GRB14: variants seen among roughly 807,000 people sequenced by gnomAD.
GRB14 encodes growth factor receptor bound protein 14, also known as growth factor receptor-bound protein 14.
A neutral mutation model predicts 69.1 loss-of-function variants in GRB14; 38 were observed. That is an observed-to-expected ratio of 0.55 (90% CI 0.42 to 0.72). GRB14 has a LOEUF of 0.72. GRB14 is among the 30% of genes least tolerant of loss of function. GRB14 has a pLI of 0.00. For synonymous variants in GRB14, 247 were observed against 241.3 expected (o/e 1.02, Z -0.22); for missense variants, 666 against 666.1 (o/e 1.00, Z 0.00).
At chr2:164,546,467 A>G (rs1688378504) in intron 3 of GRB14, among the ~76,000 whole-genome samples, 1 of 152,094 alleles carries the variant, frequency 6.6e-6, no homozygotes, top group Admixed American at 6.6e-5. Context: ...TAGCACTGAG[A>G]TTTTCCCCAG....
At chr2:164,586,063 C>T (rs932554139) in intron 2 of GRB14, among the ~76,000 whole-genome samples, 1 of 152,054 alleles carries the variant, frequency 6.6e-6, no homozygotes, top group Non-Finnish European at 1.5e-5. Flanking sequence ...TTGGGGCATA[C>T]ATAGAAATAG....
intron 12 of GRB14, among the ~76,000 whole-genome samples, chr2:164,494,833 G>A (rs1686850919): frequency 6.6e-6 from 1 of 152,120 alleles, no homozygotes; most frequent in South Asian, 2.1e-4. Flanking sequence ...CGTTCTCTTT[G>A]CACTGGGAAA....
intron 9 of GRB14, 26 bp from the exon 10 acceptor site, chr2:164,497,516 T>C (rs1686936621): frequency 4.4e-6 from 6 of 1,369,254 alleles, no homozygotes; most frequent in Non-Finnish European, 6.1e-6. Flanking sequence ...ACATTTGAGT[T>C]ATGAAAATTT....
chr2:164,598,370 C>T (rs1287981464), intron 2 of GRB14, among the ~76,000 whole-genome samples: 1 of 152,148 alleles, frequency 6.6e-6, no homozygotes, highest in African/African-American at 2.4e-5. Flanking sequence ...AAATTTACCA[C>T]AGAATTTTTG....
intron 9 of GRB14, among the ~76,000 whole-genome samples, chr2:164,499,833 A>G (rs570657): frequency 0.78 from 118,617 of 152,022 alleles, 46,722 homozygotes; most frequent in African/African-American, 0.83. Flanking sequence ...TCATTAGCAA[A>G]AGGGCACACA....
intron 2 of GRB14, among the ~76,000 whole-genome samples, chr2:164,580,147 T>G (rs1689362243): frequency 1.3e-5 from 2 of 150,884 alleles, no homozygotes; most frequent in Non-Finnish European, 3.0e-5. Flanking sequence ...CAGGCTGGAG[T>G]GCAGTGGCGT....
At chr2:164,572,177 A>AT (rs1182065959) in intron 2 of GRB14, among the ~76,000 whole-genome samples, 1 of 152,170 alleles carries the variant, frequency 6.6e-6, no homozygotes, top group Admixed American at 6.5e-5. Context: ...TGCAAAAGTA[A>AT]TTGGGGTTTT....
intron 6 of GRB14, among the ~76,000 whole-genome samples, chr2:164,520,003 GA>G (rs1032421730): frequency 5.3e-5 from 8 of 150,540 alleles, no homozygotes; most frequent in South Asian, 2.1e-4. Flanking sequence ...CACAGAACTA[GA>G]AAAAAAAATC....
intron 2 of GRB14, among the ~76,000 whole-genome samples, chr2:164,569,616 G>A (rs1254725444): frequency 6.6e-6 from 1 of 152,194 alleles, no homozygotes; most frequent in Non-Finnish European, 1.5e-5. Context: ...CTACTAGGCA[G>A]TGTTCACTTT....
At chr2:164,520,457 C>T (rs1329545864) in intron 6 of GRB14, among the ~76,000 whole-genome samples, 22 of 151,952 alleles carry the variant, frequency 1.4e-4, no homozygotes. Context: ...GGAAAGACTT[C>T]CCGACTAAGA....
chr2:164,577,301 G>A (rs1689275710), intron 2 of GRB14, among the ~76,000 whole-genome samples: 1 of 152,204 alleles, frequency 6.6e-6, no homozygotes, highest in Non-Finnish European at 1.5e-5. Flanking sequence ...CACATACCTG[G>A]TGTACCTAAT....
At chr2:164,570,405 G>A (rs1339433991) in intron 2 of GRB14, among the ~76,000 whole-genome samples, 1 of 151,850 alleles carries the variant, frequency 6.6e-6, no homozygotes, top group East Asian at 1.9e-4. Flanking sequence ...CCCTGTATCA[G>A]GCAGTAGGAA....
intron 2 of GRB14, among the ~76,000 whole-genome samples, chr2:164,582,618 G>A (rs139042159): frequency 0.025 from 3,807 of 151,684 alleles, 149 homozygotes; most frequent in African/African-American, 0.087. Flanking sequence ...ACGGGGTTTC[G>A]CCATCTTGGC....
intron 3 of GRB14, among the ~76,000 whole-genome samples, chr2:164,542,974 T>C (rs1160232613): frequency 1.3e-5 from 2 of 152,108 alleles, no homozygotes; most frequent in East Asian, 3.9e-4. Flanking sequence ...ACAGAATCAC[T>C]AACAGTGGAC....
intron 5 of GRB14, among the ~76,000 whole-genome samples, chr2:164,524,137 C>A (rs1198107982): frequency 6.6e-6 from 1 of 151,936 alleles, no homozygotes; most frequent in African/African-American, 2.4e-5. Context: ...GATAGCTCTG[C>A]CAACCTAATA....
At chr2:164,609,045 T>G (rs1690106654) in intron 2 of GRB14, among the ~76,000 whole-genome samples, 1 of 152,172 alleles carries the variant, frequency 6.6e-6, no homozygotes, top group South Asian at 2.1e-4. Context: ...TTTAACCAAT[T>G]TATCTTGAAA....
rs192922358 is a variant in GRB14 at position 164,545,410 on chromosome 2, T to A, written c.481+2250A>T. 3.2e-3 allele frequency among the ~76,000 whole-genome samples: 481 copies of A among 152,146 alleles called. 1 individual carries two copies. The highest frequency in any genetic ancestry group is 6.2e-3 in the Admixed American group (95 of 15,272). On this transcript the variant is annotated intron_variant, in intron 3 of 13. Coordinates refer to ENST00000263915, the MANE Select transcript of GRB14 (RefSeq NM_004490.3). ...TGGGCCCGAAATGTTACCGCTTTTATAAGAAAGAGGGAGACTTGACACAGA... is the reference window on the plus strand; with the variant it reads ...TGGGCCCGAAATGTTACCGCTTTTAAAAGAAAGAGGGAGACTTGACACAGA...
intron 2 of GRB14, among the ~76,000 whole-genome samples, chr2:164,564,379 G>T (rs1040875365): frequency 6.6e-6 from 1 of 152,174 alleles, no homozygotes; most frequent in Non-Finnish European, 1.5e-5. Flanking sequence ...AAAAGATTCT[G>T]GGAAAAATAG....
intron 5 of GRB14, among the ~76,000 whole-genome samples, chr2:164,523,090 GA>G (rs1346523137): frequency 6.6e-6 from 1 of 152,042 alleles, no homozygotes; most frequent in Non-Finnish European, 1.5e-5. Flanking sequence ...AGGGGAGAGA[GA>G]CAGAGACACC....
Sources: gnomAD v4.1 joint callset for allele counts (sites outside exome capture counted in the v4.1 genomes callset) on GRCh38, gnomAD v4.1.1 for gene constraint, MANE v1.5 for transcripts, NCBI Gene and HGNC (gene_info 2026-07-23, HGNC 2026-07-21) for gene names.